PTPRD: variants seen among roughly 807,000 people sequenced by gnomAD.
PTPRD encodes protein tyrosine phosphatase receptor type D, also known as receptor-type tyrosine-protein phosphatase delta.
In PTPRD, 34 loss-of-function variants were observed where a neutral mutation model predicts 214.5. The observed-to-expected ratio is 0.16, with a 90% CI of 0.12 to 0.21. The LOEUF (loss-of-function observed/expected upper bound fraction) is 0.21. PTPRD is among the 10% of genes least tolerant of loss of function. The pLI is 1.00. For missense variants in PTPRD, 2,545 were observed against 2,398.7 expected, an observed-to-expected ratio of 1.06 and a Z score of -1.27; for synonymous variants, 1,128 against 845.7, an observed-to-expected ratio of 1.33 and a Z score of -5.79.
rs563062274 is a variant in PTPRD at position 9,480,094 on chromosome 9, A to T, written c.-236-82612T>A. Among the ~76,000 whole-genome samples, 4 of 152,282 alleles carry T rather than the reference A, an allele frequency of 2.6e-5. No individual in the cohort carries two copies. The East Asian group carries it at 7.7e-4, about 29-fold the overall frequency. On this transcript the variant is annotated intron_variant, in intron 8 of 45. Coordinates refer to ENST00000381196, the MANE Select transcript of PTPRD (RefSeq NM_002839.4). ...TTGCTATCAAAAATGCCATGAAAAT[A>T]CTGCCCACAAAATTTGTTCCTGGGC... is the stretch of plus-strand genomic sequence containing the variant.
intron 3 of PTPRD, among the ~76,000 whole-genome samples, chr9:10,225,075 A>C (rs1173314780): frequency 6.6e-6 from 1 of 151,996 alleles, no homozygotes; most frequent in Admixed American, 6.6e-5. Flanking sequence ...TCTAACCTCC[A>C]CATTGTTCAG....
At chr9:8,948,366 T>C (rs1183296981) in intron 11 of PTPRD, among the ~76,000 whole-genome samples, 47 of 129,162 alleles carry the variant, frequency 3.6e-4, no homozygotes, top group African/African-American at 1.3e-3. Context: ...ATAGTATTTA[T>C]TGGTTGTTAG....
chr9:9,028,267 A>G (rs1411186567), intron 10 of PTPRD, among the ~76,000 whole-genome samples: 1 of 151,950 alleles, frequency 6.6e-6, no homozygotes, highest in Non-Finnish European at 1.5e-5. Flanking sequence ...TCACTAAATT[A>G]TGTCTTCCGT....
At chr9:8,596,077 T>C (rs1271334948) in intron 14 of PTPRD, among the ~76,000 whole-genome samples, 1 of 152,146 alleles carries the variant, frequency 6.6e-6, no homozygotes, top group Non-Finnish European at 1.5e-5. Context: ...TTTATCTTTT[T>C]CACAAAAGTA....
At position 9,901,910 on chromosome 9, in the gene PTPRD, C is replaced by T. The variant is rs540067630; in HGVS notation, c.-368+36597G>A. Among the ~76,000 whole-genome samples the T allele has an allele frequency of 1.7e-4, 26 of 152,256 alleles. No homozygotes were observed. In the South Asian group the frequency reaches 4.8e-3, roughly 28 times the overall value. On this transcript the variant is annotated intron_variant, in intron 5 of 45. Transcript: ENST00000381196. ...AGACTAGATCTTGCGAGAACTCGCTCACCATCATGAAAACAGCAAATATTT... is the reference window on the plus strand; with the variant it reads ...AGACTAGATCTTGCGAGAACTCGCTTACCATCATGAAAACAGCAAATATTT...
At chr9:10,128,497 G>A (rs1369903485) in intron 3 of PTPRD, among the ~76,000 whole-genome samples, 3 of 152,142 alleles carry the variant, frequency 2.0e-5, no homozygotes, top group Non-Finnish European at 4.4e-5. Context: ...GCATGAAACA[G>A]AGCCTTCCCT....
At chr9:8,547,185 C>T (rs541535285) in intron 14 of PTPRD, among the ~76,000 whole-genome samples, 26 of 152,056 alleles carry the variant, frequency 1.7e-4, no homozygotes, top group Non-Finnish European at 2.8e-4. Context: ...AGTACATGTC[C>T]AAATGAATCC....
intron 2 of PTPRD, among the ~76,000 whole-genome samples, chr9:10,363,551 C>T (rs1266084746): frequency 1.3e-5 from 2 of 152,168 alleles, no homozygotes; most frequent in African/African-American, 2.4e-5. Context: ...CTGGATATTT[C>T]CAACTGTAAA....
chr9:10,528,761 G>C (rs1566754616), intron 2 of PTPRD, among the ~76,000 whole-genome samples: 1 of 152,120 alleles, frequency 6.6e-6, no homozygotes, highest in Non-Finnish European at 1.5e-5. Flanking sequence ...TTAACTGTGA[G>C]TGTCTTTAAA....
At chr9:8,539,502 T>C (rs993603391) in intron 14 of PTPRD, among the ~76,000 whole-genome samples, 1 of 151,942 alleles carries the variant, frequency 6.6e-6, no homozygotes, top group Admixed American at 6.6e-5. Context: ...TTTTAACTAT[T>C]TTTAAAATAA....
intron 8 of PTPRD, among the ~76,000 whole-genome samples, chr9:9,519,725 T>G (rs1323322844): frequency 6.6e-6 from 1 of 152,030 alleles, no homozygotes; most frequent in Non-Finnish European, 1.5e-5. Context: ...AATGGAGATA[T>G]ACAAGATGGT....
chr9:9,314,769 T>G (rs955193164), intron 9 of PTPRD, among the ~76,000 whole-genome samples: 2 of 152,108 alleles, frequency 1.3e-5, no homozygotes, highest in African/African-American at 4.8e-5. Flanking sequence ...TTCTCTAATT[T>G]AACAAAACGA....
At chr9:10,268,975 C>A (rs1309792774) in intron 3 of PTPRD, among the ~76,000 whole-genome samples, 2 of 152,152 alleles carry the variant, frequency 1.3e-5, no homozygotes, top group Non-Finnish European at 2.9e-5. Flanking sequence ...ATGTCAGTAG[C>A]GCCCTCCAGT....
chr9:8,795,836 T>C (rs992319601), intron 11 of PTPRD, among the ~76,000 whole-genome samples: 6 of 152,154 alleles, frequency 3.9e-5, no homozygotes, highest in South Asian at 2.1e-4. Flanking sequence ...GAGGAGAAGA[T>C]TATTTGTTAA....
At chr9:10,100,463 A>G (rs2098541020) in intron 3 of PTPRD, among the ~76,000 whole-genome samples, 1 of 151,638 alleles carries the variant, frequency 6.6e-6, no homozygotes, top group South Asian at 2.1e-4. Flanking sequence ...GCAAGAATCA[A>G]AAATATCTGA....
rs143726406 is a variant in PTPRD at position 9,455,832 on chromosome 9, G to C, written c.-236-58350C>G. Among the ~76,000 whole-genome samples, 1,125 of 151,884 alleles carry C rather than the reference G, an allele frequency of 7.4e-3. 10 individuals carry two copies. The highest frequency in any genetic ancestry group is 0.026 in the African/African-American group (1,087 of 41,532). On this transcript the variant is annotated intron_variant, in intron 8 of 45. Transcript: ENST00000381196. ...TTTTCATAAAGTTCAAACAGAATAA[G>C]CAAACACAAATGGATGCTACTAGAG...
intron 11 of PTPRD, among the ~76,000 whole-genome samples, chr9:8,934,494 A>T (rs13295373): frequency 0.13 from 956 of 7,138 alleles, 73 homozygotes; most frequent in South Asian, 0.26. Flanking sequence ...TATATATATA[A>T]ATATATATAT....
At chr9:10,018,421 C>A (rs1316177621) in intron 4 of PTPRD, among the ~76,000 whole-genome samples, 1 of 150,722 alleles carries the variant, frequency 6.6e-6, no homozygotes, top group South Asian at 2.1e-4. Context: ...TTATAAATTT[C>A]ATGTTTATCG....
intron 14 of PTPRD, among the ~76,000 whole-genome samples, chr9:8,581,172 G>A (rs965927187): frequency 2.0e-5 from 3 of 151,902 alleles, no homozygotes; most frequent in African/African-American, 4.8e-5. Flanking sequence ...GTAAGATGCT[G>A]TAGATGCCTT....
Sources: allele counts gnomAD v4.1 joint callset (sites outside exome capture counted in the v4.1 genomes callset), GRCh38; gene constraint gnomAD v4.1.1; transcripts MANE v1.5; gene names NCBI Gene and HGNC (gene_info 2026-07-23, HGNC 2026-07-21).